Variants in CNTNAP2 observed in about 807,000 individuals in gnomAD.
CNTNAP2 encodes the protein contactin associated protein 2, also known as contactin-associated protein-like 2.
Under a neutral mutation model 155.2 loss-of-function variants are expected in CNTNAP2, and 98 were observed. That is an observed-to-expected ratio of 0.63 (90% CI 0.54 to 0.75). CNTNAP2 has a LOEUF of 0.75. Among genes scored for constraint, CNTNAP2 ranks in the 30% least tolerant of loss-of-function variants. The probability of loss-of-function intolerance (pLI) is 0.00; values close to 1 mark genes in which losing one functional copy is unlikely to be tolerated. For missense variants in CNTNAP2, 1,727 were observed against 1,688.1 expected, an observed-to-expected ratio of 1.02 and a Z score of -0.40; for synonymous variants, 651 against 631.2, an observed-to-expected ratio of 1.03 and a Z score of -0.47.
chr7:147,580,600 T>C (rs1454617790), intron 12 of CNTNAP2, among the ~76,000 whole-genome samples: 2 of 147,386 alleles, frequency 1.4e-5, no homozygotes, highest in Non-Finnish European at 1.5e-5. Flanking sequence ...ATGATGTTGA[T>C]CTTGTTTTTT....
intron 20 of CNTNAP2, among the ~76,000 whole-genome samples, chr7:148,235,315 T>A (rs1212041707): frequency 1.3e-5 from 2 of 152,342 alleles, no homozygotes; most frequent in East Asian, 3.9e-4. Context: ...CAACATGTAG[T>A]GTGCTAGGTG....
chr7:146,711,283 A>C (rs891198680), intron 1 of CNTNAP2, among the ~76,000 whole-genome samples: 6 of 146,744 alleles, frequency 4.1e-5, no homozygotes, highest in African/African-American at 1.5e-4. Context: ...ATATAATAGA[A>C]AACATAAACA....
At chr7:148,372,477 G>C (rs984823583) in intron 21 of CNTNAP2, among the ~76,000 whole-genome samples, 1 of 152,142 alleles carries the variant, frequency 6.6e-6, no homozygotes, top group African/African-American at 2.4e-5. Flanking sequence ...GGAGGCAGAG[G>C]AGGGTAGACC....
At chr7:146,716,172 G>C (rs1298805565) in intron 1 of CNTNAP2, among the ~76,000 whole-genome samples, 2 of 147,656 alleles carry the variant, frequency 1.4e-5, no homozygotes, top group African/African-American at 5.1e-5. Context: ...TCCCTGACCT[G>C]AGAATTGTAT....
At chr7:148,000,985 T>C (rs975730875) in intron 15 of CNTNAP2, among the ~76,000 whole-genome samples, 4 of 152,228 alleles carry the variant, frequency 2.6e-5, no homozygotes, top group Non-Finnish European at 5.9e-5. Context: ...CTCCCAACTC[T>C]GCCTGTCTCC....
intron 1 of CNTNAP2, among the ~76,000 whole-genome samples, chr7:146,190,507 T>C (rs1403346940): frequency 6.6e-6 from 1 of 152,156 alleles, no homozygotes; most frequent in Non-Finnish European, 1.5e-5. Context: ...GCTCTGGCCC[T>C]TTCCAGAAAA....
intron 12 of CNTNAP2, among the ~76,000 whole-genome samples, chr7:147,629,508 C>T (rs1282030098): frequency 6.6e-6 from 1 of 151,594 alleles, no homozygotes; most frequent in Non-Finnish European, 1.5e-5. Flanking sequence ...ACGTTCTACT[C>T]AACAACTGCA....
chr7:146,591,360 A>G (rs563027502), intron 1 of CNTNAP2, among the ~76,000 whole-genome samples: 1 of 152,328 alleles, frequency 6.6e-6, no homozygotes, highest in South Asian at 2.1e-4. Context: ...AGGTTCTTCA[A>G]AGAAATTGGT....
At position 148,157,571 on chromosome 7, in the gene CNTNAP2, CAAAA is replaced by C. The variant is rs60716582; in HGVS notation, c.2773+9874_2773+9877del. Among the ~76,000 whole-genome samples the C allele has an allele frequency of 5.2e-3, 579 of 111,202 alleles. 8 individuals are homozygous for C. The highest frequency in any genetic ancestry group is 0.019 in the African/African-American group (517 of 27,602). The allele number at this position is 111,202 out of a possible 152,430, so 73.0% of individuals were successfully genotyped here. On this transcript the variant is annotated intron_variant, in intron 17 of 23. Transcript: ENST00000361727. The stretch of plus-strand genomic sequence containing the variant: ...TCAAGCATGACAGAAGCAGAAGCAG[CAAAA>C]AAAAAAAAAAAGTCACAGAGAAAGT...
intron 11 of CNTNAP2, among the ~76,000 whole-genome samples, chr7:147,540,793 T>C (rs1799624996): frequency 6.6e-6 from 1 of 151,524 alleles, no homozygotes; most frequent in South Asian, 2.1e-4. Flanking sequence ...ATGGTGCCAC[T>C]GCAATCCAGC....
At chr7:147,076,203 C>T (rs1055571392) in intron 4 of CNTNAP2, among the ~76,000 whole-genome samples, 26 of 152,162 alleles carry the variant, frequency 1.7e-4, no homozygotes, top group African/African-American at 6.3e-4. Context: ...TGAGGAATCG[C>T]CACACTGTCT....
intron 2 of CNTNAP2, among the ~76,000 whole-genome samples, chr7:146,832,324 T>G (rs1162958035): frequency 6.6e-6 from 1 of 151,962 alleles, no homozygotes; most frequent in African/African-American, 2.4e-5. Flanking sequence ...AAAAATTAGT[T>G]TTTCAAATGT....
Position 148,297,165 on chromosome 7 carries a change from AAAGG to A in CNTNAP2, c.3475+30078_3475+30081del, listed in dbSNP as rs141074994. ...AAAAAAAAAGAGAGGGAGATAGAGA[AAAGG>A]AAGGAAGGAAGGAAGGAAGGAAGGA... On this transcript the variant is annotated intron_variant, in intron 21 of 23. Transcript: ENST00000361727. Among the ~76,000 whole-genome samples, 934 of 128,918 alleles carry A rather than the reference AAAGG, an allele frequency of 7.2e-3. 5 individuals are homozygous for A. Among genetic ancestry groups the A allele is most frequent in the African/African-American group, 0.02 (664 of 33,452 alleles). The allele number at this position is 128,918 out of a possible 152,430, so 84.6% of individuals were successfully genotyped here. A position where few individuals can be genotyped will look rare whatever the true frequency, so the allele number is the denominator to read the frequency against.
chr7:147,043,916 G>A lies in CNTNAP2; in HGVS notation c.412G>A (p.Gly138Arg), dbSNP rs1241987279. Residue 138 changes from glycine to arginine, a missense_variant, in exon 4 of 24, where the codon GGA (glycine) becomes AGA (arginine). Transcript: ENST00000361727. ...CTATTTCCTTTTCCAGGCATTTCCC[G>A]GAAACATTAACTCTGACGGTGTGGT... is the stretch of plus-strand genomic sequence containing the variant. ...HQDGNIWAFP[G>R]NINSDGVVRH... 5.0e-6 allele frequency: 8 copies of A among 1,614,038 alleles called. No homozygotes were observed. In the Admixed American group the frequency reaches 5.0e-5, roughly 10 times the overall value.
chr7:147,330,707 A>T (rs768275876), intron 9 of CNTNAP2, among the ~76,000 whole-genome samples: 4 of 152,182 alleles, frequency 2.6e-5, no homozygotes, highest in Admixed American at 6.5e-5. Flanking sequence ...CAGTTTTACT[A>T]GTTGTACAAG....
chr7:148,362,823 A>G (rs1798651708), intron 21 of CNTNAP2, among the ~76,000 whole-genome samples: 1 of 152,192 alleles, frequency 6.6e-6, no homozygotes, highest in South Asian at 2.1e-4. Flanking sequence ...GAATACATAC[A>G]CAGATGGTCT....
chr7:146,932,232 A>G (rs1796777812), intron 3 of CNTNAP2, among the ~76,000 whole-genome samples: 1 of 152,222 alleles, frequency 6.6e-6, no homozygotes, highest in African/African-American at 2.4e-5. Context: ...CAAACAGCTT[A>G]TCACCTTGAT....
chr7:146,824,626 C>G (rs1367133260), intron 2 of CNTNAP2, among the ~76,000 whole-genome samples: 1 of 152,052 alleles, frequency 6.6e-6, no homozygotes, highest in Non-Finnish European at 1.5e-5. Context: ...ATTTTCATTT[C>G]TCTAATGACC....
At chr7:147,290,334 T>A (rs980446467) in intron 8 of CNTNAP2, among the ~76,000 whole-genome samples, 1 of 152,174 alleles carries the variant, frequency 6.6e-6, no homozygotes, top group Admixed American at 6.5e-5. Flanking sequence ...ACTTCAGTAC[T>A]ATGTCAGGGG....
Sources: allele counts gnomAD v4.1 joint callset (sites outside exome capture counted in the v4.1 genomes callset), GRCh38; gene constraint gnomAD v4.1.1; transcripts MANE v1.5; gene names NCBI Gene and HGNC (gene_info 2026-07-23, HGNC 2026-07-21).